Variants in GALNT13 observed in about 807,000 individuals in gnomAD.
GALNT13 encodes the protein polypeptide N-acetylgalactosaminyltransferase 13.
GALNT13 carries 28 observed loss-of-function variants against 64.2 expected under a neutral mutation model. That is an observed-to-expected ratio of 0.44 (90% confidence interval 0.32 to 0.60). The LOEUF is 0.60. GALNT13 is among the 20% of genes least tolerant of loss of function. The pLI, the probability that GALNT13 is intolerant of heterozygous loss-of-function variation, is 0.05. For synonymous variants in GALNT13, 214 were observed against 224.6 expected, an observed-to-expected ratio of 0.95 and a Z score of 0.42; for missense variants, 577 against 669.8, an observed-to-expected ratio of 0.86 and a Z score of 1.53.
the GALNT13 span, among the ~76,000 whole-genome samples, chr2:153,260,229 T>A: frequency 6.6e-6 from 1 of 152,236 alleles, no homozygotes; most frequent in African/African-American, 2.4e-5. Flanking sequence ...ACTTAAGATA[T>A]GAGTAGTTTA....
chr2:153,722,265 C>A, the GALNT13 span, among the ~76,000 whole-genome samples: 1 of 147,030 alleles, frequency 6.8e-6, no homozygotes. Flanking sequence ...CCAACGAGAA[C>A]AAAGACACAA....
intron 4 of GALNT13, among the ~76,000 whole-genome samples, chr2:154,209,642 A>G (rs1687657482): frequency 6.6e-6 from 1 of 152,200 alleles, no homozygotes; most frequent in Non-Finnish European, 1.5e-5. Context: ...TTTAGAAAAC[A>G]TCCAGACTTT....
intron 9 of GALNT13, among the ~76,000 whole-genome samples, chr2:154,339,784 C>T (rs147512690): frequency 6.6e-6 from 1 of 151,840 alleles, no homozygotes; most frequent in South Asian, 2.1e-4. Context: ...TTTTGATAAT[C>T]AATTTTGGTT....
At chr2:153,943,192 G>T (rs1481378948) in intron 2 of GALNT13, among the ~76,000 whole-genome samples, 1 of 152,000 alleles carries the variant, frequency 6.6e-6, no homozygotes, top group Non-Finnish European at 1.5e-5. Flanking sequence ...TAAGTGTAAG[G>T]TATTCATTCT....
At chr2:153,577,107 G>A in the GALNT13 span, among the ~76,000 whole-genome samples, 28 of 152,204 alleles carry the variant, frequency 1.8e-4, no homozygotes, top group East Asian at 2.1e-3. Context: ...ATGAATTGCC[G>A]TAGACCAAGT....
the GALNT13 span, among the ~76,000 whole-genome samples, chr2:153,274,957 C>T: frequency 0.022 from 3,359 of 152,256 alleles, 132 homozygotes; most frequent in African/African-American, 0.076. Flanking sequence ...ATATTATGCT[C>T]TTCTTTCTAT....
the GALNT13 span, among the ~76,000 whole-genome samples, chr2:153,457,158 C>A: frequency 6.6e-6 from 1 of 152,154 alleles, no homozygotes; most frequent in East Asian, 1.9e-4. Flanking sequence ...AGATTTCATG[C>A]CTTCTGAGCT....
the GALNT13 span, among the ~76,000 whole-genome samples, chr2:153,374,424 A>G: frequency 6.6e-6 from 1 of 152,024 alleles, no homozygotes; most frequent in African/African-American, 2.4e-5. Flanking sequence ...TTTATTTTTT[A>G]AATCAAGTTT....
Position 154,213,764 on chromosome 2 carries a change from G to A in GALNT13, c.312-28266G>A, listed in dbSNP as rs147821750. On this transcript the variant is annotated intron_variant, in intron 4 of 12. Transcript: ENST00000392825. The stretch of plus-strand genomic sequence containing the variant: ...ATGTTTTTATAACAAGATAGATAAT[G>A]CTTCAATAACAGGATTGATGAGACG... Among the ~76,000 whole-genome samples the A allele has an allele frequency of 2.6e-3, 401 of 152,214 alleles. 2 individuals are homozygous for A. Among genetic ancestry groups the A allele is most frequent in the South Asian group, 6.2e-3 (30 of 4,826 alleles).
chr2:154,229,366 T>C (rs1688795640), intron 4 of GALNT13, among the ~76,000 whole-genome samples: 1 of 151,650 alleles, frequency 6.6e-6, no homozygotes, highest in Non-Finnish European at 1.5e-5. Context: ...TATATATATA[T>C]ATAATTTTAA....
the GALNT13 span, among the ~76,000 whole-genome samples, chr2:153,514,619 C>T: frequency 6.6e-6 from 1 of 152,134 alleles, no homozygotes; most frequent in African/African-American, 2.4e-5. Flanking sequence ...CCGCACTCTC[C>T]ATCATTCCTC....
chr2:153,131,040 T>C, the GALNT13 span, among the ~76,000 whole-genome samples: 1 of 152,158 alleles, frequency 6.6e-6, no homozygotes, highest in Admixed American at 6.5e-5. Context: ...TACTGGGAGA[T>C]CCTGACCAGA....
intron 9 of GALNT13, among the ~76,000 whole-genome samples, chr2:154,377,092 T>G (rs2105323857): frequency 6.6e-6 from 1 of 152,232 alleles, no homozygotes; most frequent in Non-Finnish European, 1.5e-5. Context: ...CAAAATAGTA[T>G]TTTTGAAAAC....
chr2:154,296,427 C>A (rs966108796), intron 8 of GALNT13, among the ~76,000 whole-genome samples: 1 of 152,176 alleles, frequency 6.6e-6, no homozygotes, highest in Non-Finnish European at 1.5e-5. Flanking sequence ...CAGTTAGCTC[C>A]CTTGTTTGGG....
chr2:154,447,028 A>T (rs1447642626), intron 12 of GALNT13, among the ~76,000 whole-genome samples: 1 of 151,424 alleles, frequency 6.6e-6, no homozygotes, highest in Admixed American at 6.6e-5. Flanking sequence ...AATATACTTG[A>T]TGAACGATAT....
the GALNT13 span, among the ~76,000 whole-genome samples, chr2:153,232,549 C>T: frequency 6.6e-6 from 1 of 152,164 alleles, no homozygotes; most frequent in African/African-American, 2.4e-5. Flanking sequence ...TATCTGCTCT[C>T]CTGTAAGGAA....
the GALNT13 span, among the ~76,000 whole-genome samples, chr2:153,726,667 T>C: frequency 2.2e-3 from 332 of 151,954 alleles, 1 homozygote; most frequent in African/African-American, 7.8e-3. Context: ...TATGGCCGGG[T>C]GCGGTGGCTC....
the GALNT13 span, among the ~76,000 whole-genome samples, chr2:153,683,600 A>ACT: frequency 1.3e-5 from 2 of 151,674 alleles, no homozygotes; most frequent in Non-Finnish European, 3.0e-5. Flanking sequence ...CTAAGACGAC[A>ACT]TATTTTATTG....
the GALNT13 span, among the ~76,000 whole-genome samples, chr2:153,313,850 T>C: frequency 6.6e-6 from 1 of 152,186 alleles, no homozygotes; most frequent in Non-Finnish European, 1.5e-5. Context: ...GATATAAACT[T>C]AGAGGCTTAA....
Sources: gnomAD v4.1 joint callset for allele counts (sites outside exome capture counted in the v4.1 genomes callset) on GRCh38, gnomAD v4.1.1 for gene constraint, MANE v1.5 for transcripts, NCBI Gene and HGNC (gene_info 2026-07-23, HGNC 2026-07-21) for gene names.